The following THSD7B variants were observed in gnomAD, a reference collection of about 807,000 sequenced individuals.
THSD7B encodes thrombospondin type-1 domain-containing protein 7B.
In THSD7B, 138 loss-of-function variants were observed where a neutral mutation model predicts 213.6. That is an observed-to-expected ratio of 0.65 (90% confidence interval 0.56 to 0.74). The LOEUF is 0.74. THSD7B is among the 30% of genes least tolerant of loss of function. THSD7B has a pLI of 0.00. For missense variants in THSD7B, 1,931 were observed against 1,991.5 expected (o/e 0.97, Z 0.58); for synonymous variants, 742 against 687.0 (o/e 1.08, Z -1.25).
At chr2:137,652,614 TGTAACTCCTCTTTTA>T (rs1436475446) in intron 21 of THSD7B, among the ~76,000 whole-genome samples, 1 of 152,142 alleles carries the variant, frequency 6.6e-6, no homozygotes, top group Non-Finnish European at 1.5e-5. Context: ...CTAATTGTTT[TGTAACTCCTCTTTTA>T]GTTTTTTCCC....
chr2:137,245,407 T>G (rs1682004357), intron 10 of THSD7B, among the ~76,000 whole-genome samples: 1 of 152,150 alleles, frequency 6.6e-6, no homozygotes, highest in African/African-American at 2.4e-5. Context: ...GTTGTATAGT[T>G]TGCACCTGCT....
At chr2:136,928,508 G>T (rs1336728948) in intron 2 of THSD7B, among the ~76,000 whole-genome samples, 3 of 152,188 alleles carry the variant, frequency 2.0e-5, no homozygotes, top group African/African-American at 7.2e-5. Flanking sequence ...ATGTTAATAA[G>T]ATGATGTGAC....
intron 1 of THSD7B, among the ~76,000 whole-genome samples, chr2:136,855,342 G>A (rs949196085): frequency 1.3e-5 from 2 of 151,884 alleles, no homozygotes; most frequent in Admixed American, 6.6e-5. Flanking sequence ...TCTTAAAATC[G>A]CTTCCTTTAC....
rs1181583433 is a variant in THSD7B at position 137,596,802 on chromosome 2, G to A, written c.3424-19373G>A. On this transcript the variant is annotated intron_variant, in intron 17 of 27. Coordinates refer to ENST00000409968, the MANE Select transcript of THSD7B (RefSeq NM_001316349.2). Reference sequence around the variant, plus strand: ...CCATGTGGCTATGTTCTGTGGTCCAGTAACAGAATATAGTTTGATCAGCAC... The same window carrying A: ...CCATGTGGCTATGTTCTGTGGTCCAATAACAGAATATAGTTTGATCAGCAC... Among the ~76,000 whole-genome samples, 3 of 151,608 alleles carry A rather than the reference G, an allele frequency of 2.0e-5. No individual in the cohort carries two copies. The East Asian group carries it at 5.8e-4, about 29-fold the overall frequency.
intron 17 of THSD7B, among the ~76,000 whole-genome samples, chr2:137,582,937 T>A (rs186376843): frequency 9.2e-5 from 14 of 152,252 alleles, no homozygotes; most frequent in Non-Finnish European, 1.9e-4. Context: ...AATGGTTAAA[T>A]TAGTTTACAC....
intron 4 of THSD7B, among the ~76,000 whole-genome samples, chr2:137,107,013 C>T (rs185636080): frequency 6.6e-6 from 1 of 152,212 alleles, no homozygotes; most frequent in East Asian, 1.9e-4. Context: ...ACAGGAAATA[C>T]CATTTGACCC....
rs7563016 is a variant in THSD7B at position 136,956,490 on chromosome 2, A to T, written c.139+74173A>T. 1.3e-3 allele frequency among the ~76,000 whole-genome samples: 168 copies of T among 132,700 alleles called. 1 individual carries two copies. Among genetic ancestry groups the T allele is most frequent in the African/African-American group, 4.1e-3 (146 of 36,034 alleles). The allele number at this position is 132,700 out of a possible 152,430, so 87.1% of individuals were successfully genotyped here. Reference sequence around the variant, plus strand: ...GTTAGTGTCCCTTAAGAATTTTTTTAAATTTTTTTATTTTTTATTTTTTTT... The same window carrying T: ...GTTAGTGTCCCTTAAGAATTTTTTTTAATTTTTTTATTTTTTATTTTTTTT... On this transcript the variant is annotated intron_variant, in intron 2 of 27. Coordinates refer to ENST00000409968, the MANE Select transcript of THSD7B (RefSeq NM_001316349.2).
At chr2:137,664,484 G>A (rs1349770561) in intron 26 of THSD7B, among the ~76,000 whole-genome samples, 1 of 152,136 alleles carries the variant, frequency 6.6e-6, no homozygotes, top group Non-Finnish European at 1.5e-5. Flanking sequence ...TATTAGGCCT[G>A]TAGGGCTCAG....
intron 3 of THSD7B, among the ~76,000 whole-genome samples, chr2:137,088,194 T>C (rs12993101): frequency 0.097 from 14,762 of 151,758 alleles, 988 homozygotes; most frequent in African/African-American, 0.19. Flanking sequence ...AAGCTGAGAT[T>C]GCACCACTGC....
chr2:137,275,859 T>C (rs567772940), intron 11 of THSD7B, 64 bp from the exon 12 acceptor site: 6 of 1,218,362 alleles, frequency 4.9e-6, no homozygotes, highest in Middle Eastern at 1.9e-4. Context: ...CAAACATATG[T>C]AAGTATTTCT....
chr2:137,089,905 G>A (rs1687918500), intron 3 of THSD7B, among the ~76,000 whole-genome samples: 1 of 151,956 alleles, frequency 6.6e-6, no homozygotes. Flanking sequence ...TACTTGGGAG[G>A]CTGAGACACG....
chr2:137,509,977 T>A (rs1679925993), intron 15 of THSD7B, among the ~76,000 whole-genome samples: 1 of 152,168 alleles, frequency 6.6e-6, no homozygotes, highest in Non-Finnish European at 1.5e-5. Flanking sequence ...GGTTTTAACA[T>A]TTTTTTCTCC....
rs148700310 is a variant in THSD7B, at chr2:136,807,992, G to C, written c.-36+42305G>C. On this transcript the variant is annotated intron_variant, in intron 1 of 27. Transcript: ENST00000409968. ...GATAAGAGCTAGGACATACATGTGT[G>C]TATACACTATCTATATTAAGCTAAA... is the stretch of plus-strand genomic sequence containing the variant. Among the ~76,000 whole-genome samples the C allele has an allele frequency of 6.6e-5, 10 of 152,304 alleles. No individual in the cohort carries two copies. In the East Asian group the frequency reaches 1.9e-3, roughly 29 times the overall value.
intron 1 of THSD7B, among the ~76,000 whole-genome samples, chr2:136,819,220 A>G (rs1682532309): frequency 6.6e-6 from 1 of 152,222 alleles, no homozygotes; most frequent in South Asian, 2.1e-4. Flanking sequence ...AGTCAAGATC[A>G]TTATTATTTC....
intron 15 of THSD7B, among the ~76,000 whole-genome samples, chr2:137,548,712 A>G (rs1171013945): frequency 6.6e-6 from 1 of 151,968 alleles, no homozygotes; most frequent in African/African-American, 2.4e-5. Context: ...TGATTAACAA[A>G]TCTCCCTTTC....
At chr2:136,793,706 T>C (rs1427594) in intron 1 of THSD7B, among the ~76,000 whole-genome samples, 77,930 of 151,720 alleles carry the variant, frequency 0.51, 20,397 homozygotes, top group East Asian at 0.69. Context: ...TGTATCTTTG[T>C]TTATGAGGAA....
chr2:137,137,493 T>G (rs1679488874), intron 5 of THSD7B, among the ~76,000 whole-genome samples: 1 of 152,220 alleles, frequency 6.6e-6, no homozygotes, highest in Non-Finnish European at 1.5e-5. Context: ...AAACTTATGC[T>G]TAGACGTGTT....
At chr2:137,117,818 A>T (rs1688470918) in intron 5 of THSD7B, among the ~76,000 whole-genome samples, 1 of 152,170 alleles carries the variant, frequency 6.6e-6, no homozygotes, top group Admixed American at 6.6e-5. Flanking sequence ...TAATAATTTT[A>T]AAAAATGCTA....
chr2:136,807,017 C>T (rs1244101630), intron 1 of THSD7B, among the ~76,000 whole-genome samples: 1 of 152,216 alleles, frequency 6.6e-6, no homozygotes, highest in East Asian at 1.9e-4. Context: ...CTCTTCCCAA[C>T]ACAACATATC....
Sources: allele counts gnomAD v4.1 joint callset (sites outside exome capture counted in the v4.1 genomes callset), GRCh38; gene constraint gnomAD v4.1.1; transcripts MANE v1.5; gene names NCBI Gene and HGNC (gene_info 2026-07-23, HGNC 2026-07-21).